The following GAD2 variants were observed in gnomAD, a reference collection of about 807,000 sequenced individuals.
The protein encoded by GAD2 is glutamate decarboxylase 2, also known as 65 kDa glutamic acid decarboxylase.
A neutral mutation model predicts 80.1 loss-of-function variants in GAD2; 22 were observed. The observed-to-expected ratio is 0.27, with a 90% CI of 0.20 to 0.39. The LOEUF (loss-of-function observed/expected upper bound fraction) is 0.39. Among genes scored for constraint, GAD2 ranks in the 10% least tolerant of loss-of-function variants. The pLI is 1.00. For synonymous variants in GAD2, 274 were observed against 256.9 expected (o/e 1.07, Z -0.64); for missense variants, 624 against 738.4 (o/e 0.85, Z 1.80).
chr10:26,268,467 C>CAAA (rs398045927), intron 8 of GAD2, among the ~76,000 whole-genome samples: 1,574 of 93,530 alleles, frequency 0.017, 47 homozygotes, highest in African/African-American at 0.044. Context: ...GACTCTGTCT[C>CAAA]AAAAAAAAAA....
intron 11 of GAD2, among the ~76,000 whole-genome samples, chr10:26,275,969 A>C (rs1258883414): frequency 6.6e-6 from 1 of 152,102 alleles, no homozygotes; most frequent in Non-Finnish European, 1.5e-5. Context: ...TGGGTAACAG[A>C]GTGAGACTCC....
rs986079476 is a variant in GAD2 at position 26,243,663 on chromosome 10, C to T, written c.841-2258C>T. Among the ~76,000 whole-genome samples, 12 of 152,358 alleles carry T rather than the reference C, an allele frequency of 7.9e-5. No homozygotes were observed. In the East Asian group the frequency reaches 1.5e-3, roughly 20 times the overall value. ...TTGGCAGTGTGGCCTGTTCTGTACA[C>T]GCAGACAAGTCATTCTGCCCCAGCC... On this transcript the variant is annotated intron_variant, in intron 7 of 15. Transcript: ENST00000376261.
intron 15 of GAD2, among the ~76,000 whole-genome samples, chr10:26,297,117 G>A (rs1275701251): frequency 1.3e-5 from 2 of 151,992 alleles, no homozygotes; most frequent in African/African-American, 4.8e-5. Context: ...GGTTGGGACG[G>A]GGTTTCACCA....
At chr10:26,275,467 T>C (rs1480338136) in intron 11 of GAD2, among the ~76,000 whole-genome samples, 1 of 152,216 alleles carries the variant, frequency 6.6e-6, no homozygotes, top group Non-Finnish European at 1.5e-5. Flanking sequence ...AGTTTCCTCT[T>C]ATTGCCGCAA....
At chr10:26,270,045 C>A (rs770388795) in intron 9 of GAD2, among the ~76,000 whole-genome samples, 4 of 152,212 alleles carry the variant, frequency 2.6e-5, no homozygotes, top group Non-Finnish European at 5.9e-5. Context: ...TGGCATTCTC[C>A]TGCCTTCTTC....
At chr10:26,218,194 C>G in intron 3 of GAD2, 1 of 512,686 alleles carries the variant, frequency 2.0e-6, no homozygotes, top group African/African-American at 2.0e-5. Context: ...CCTCGGAGCT[C>G]CAAGAGGGCT....
chr10:26,293,172 CTTTTTTTTTTT>C (rs987030977), intron 15 of GAD2, among the ~76,000 whole-genome samples, 181 bp downstream of exon 15: 1 of 96,452 alleles, frequency 1.0e-5, no homozygotes, highest in Non-Finnish European at 2.1e-5. Flanking sequence ...CATTTTTCTT[CTTTTTTTTTTT>C]TTTTTTTTTT....
At chr10:26,276,105 A>G (rs528679246) in intron 11 of GAD2, among the ~76,000 whole-genome samples, 172 of 152,214 alleles carry the variant, frequency 1.1e-3, no homozygotes, top group South Asian at 9.3e-3. Context: ...ATTTAAGGCT[A>G]CAGTGAGCTA....
intron 4 of GAD2, among the ~76,000 whole-genome samples, chr10:26,221,272 C>A (rs1395818611): frequency 6.6e-6 from 1 of 152,224 alleles, no homozygotes; most frequent in Non-Finnish European, 1.5e-5. Flanking sequence ...ATATTATCAT[C>A]TTGTTTCTAC....
At chr10:26,300,410 T>C (rs1417308032) in intron 15 of GAD2, among the ~76,000 whole-genome samples, 1 of 152,186 alleles carries the variant, frequency 6.6e-6, no homozygotes, top group Non-Finnish European at 1.5e-5. Flanking sequence ...AACAATCCTC[T>C]GAACTGTTTA....
chr10:26,296,916 T>C (rs1834280825), intron 15 of GAD2, among the ~76,000 whole-genome samples: 2 of 142,022 alleles, frequency 1.4e-5, no homozygotes, highest in African/African-American at 5.6e-5. Flanking sequence ...TTTCGCATAT[T>C]AGAATTTTTT....
At chr10:26,264,949 T>G (rs932806938) in intron 8 of GAD2, among the ~76,000 whole-genome samples, 1 of 152,152 alleles carries the variant, frequency 6.6e-6, no homozygotes, top group Non-Finnish European at 1.5e-5. Context: ...GCACCCTACA[T>G]GTGACCATCT....
chr10:26,230,683 C>T (rs1479757618), intron 7 of GAD2, among the ~76,000 whole-genome samples: 1 of 152,170 alleles, frequency 6.6e-6, no homozygotes, highest in Non-Finnish European at 1.5e-5. Flanking sequence ...GATCCTTCCA[C>T]CTCGGCCTCC....
chr10:26,273,544 G>T (rs1258725459), intron 10 of GAD2, 92 bp from the exon 11 acceptor site: 3 of 1,081,792 alleles, frequency 2.8e-6, no homozygotes, highest in South Asian at 1.3e-5. Context: ...GTGGCCTGGG[G>T]TCAAGATCAT....
intron 5 of GAD2, among the ~76,000 whole-genome samples, chr10:26,224,285 A>T (rs1321415925): frequency 6.6e-6 from 1 of 152,164 alleles, no homozygotes; most frequent in African/African-American, 2.4e-5. Context: ...ACTCTGCAAT[A>T]TTTTTTATTT....
intron 7 of GAD2, among the ~76,000 whole-genome samples, chr10:26,235,780 C>A (rs1271818609): frequency 6.6e-6 from 1 of 152,182 alleles, no homozygotes; most frequent in Non-Finnish European, 1.5e-5. Context: ...AAGCTAAGAT[C>A]CCAGCTCAAT....
chr10:26,247,824 AG>A (rs1844827366), intron 8 of GAD2, among the ~76,000 whole-genome samples: 2 of 144,036 alleles, frequency 1.4e-5, no homozygotes, highest in African/African-American at 2.5e-5. Flanking sequence ...TGAACCCAGT[AG>A]GCAGAGGTTG....
intron 8 of GAD2, among the ~76,000 whole-genome samples, chr10:26,248,735 C>G (rs992668776): frequency 1.3e-5 from 2 of 152,182 alleles, no homozygotes; most frequent in African/African-American, 4.8e-5. Flanking sequence ...AAGAAGCTTA[C>G]CACTTTCTTG....
rs527284358 is a variant in GAD2, at chr10:26,227,599, C to A, written c.725-2063C>A. ...AGATCATTTTGCTCCCCACAAGGGACATTTGGCAATATCTATAGATGCTTT... is the reference window on the plus strand; with the variant it reads ...AGATCATTTTGCTCCCCACAAGGGAAATTTGGCAATATCTATAGATGCTTT... On this transcript the variant is annotated intron_variant, in intron 6 of 15. Transcript: ENST00000376261. Among the ~76,000 whole-genome samples, 4 of 152,312 alleles carry A rather than the reference C, an allele frequency of 2.6e-5. No homozygotes were observed. In the South Asian group the frequency reaches 8.3e-4, roughly 32 times the overall value.
Sources: allele counts gnomAD v4.1 joint callset (sites outside exome capture counted in the v4.1 genomes callset), GRCh38; gene constraint gnomAD v4.1.1; transcripts MANE v1.5; gene names NCBI Gene and HGNC (gene_info 2026-07-23, HGNC 2026-07-21).